The following RBM47 variants were observed in gnomAD, a reference collection of about 807,000 sequenced individuals.
RBM47 encodes RNA binding motif protein 47, also known as RNA-binding protein 47.
RBM47 carries 21 observed loss-of-function variants against 47.1 expected under a neutral mutation model. The ratio of observed to expected loss-of-function variants is 0.45; its 90% CI spans 0.32 to 0.64. The LOEUF is 0.64. RBM47 is among the 30% of genes least tolerant of loss of function. The probability of loss-of-function intolerance (pLI) is 0.05; values close to 1 mark genes in which losing one functional copy is unlikely to be tolerated. For synonymous variants in RBM47, 375 were observed against 361.7 expected, an observed-to-expected ratio of 1.04 and a Z score of -0.42; for missense variants, 708 against 870.9, an observed-to-expected ratio of 0.81 and a Z score of 2.35.
At position 40,438,793 on chromosome 4, in the gene RBM47, G is replaced by A; in HGVS notation, c.101C>T (p.Ala34Val). The A allele has an allele frequency of 6.4e-7, 1 of 1,552,976 alleles. No individual in the cohort carries two copies. The highest frequency in any genetic ancestry group is 8.7e-7 in the Non-Finnish European group (1 of 1,154,214). Residue 34 changes from alanine to valine, a missense_variant, in exon 4 of 7, where the codon GCA becomes GTA. Coordinates refer to ENST00000295971, the MANE Select transcript of RBM47 (RefSeq NM_001098634.2). ...CGTGCGCTCCATCAGCGCCAGCAGTGCTGCCTCGTTGGGCGCGCCCGCCAC... is the reference window on the plus strand; with the variant it reads ...CGTGCGCTCCATCAGCGCCAGCAGTACTGCCTCGTTGGGCGCGCCCGCCAC... ...EGVAGAPNEA[A>V]LLALMERTGY...
chr4:40,481,558 CTT>C (rs1353198149), intron 2 of RBM47, among the ~76,000 whole-genome samples: 12 of 131,578 alleles, frequency 9.1e-5, no homozygotes, highest in Non-Finnish European at 8.2e-5. Flanking sequence ...CATGATGTGG[CTT>C]TTTTTTTTTT....
intron 2 of RBM47, among the ~76,000 whole-genome samples, chr4:40,487,409 C>T (rs1383888808): frequency 6.6e-6 from 1 of 152,130 alleles, no homozygotes; most frequent in African/African-American, 2.4e-5. Flanking sequence ...GATTTTCCTG[C>T]CTCCTGAGTA....
intron 1 of RBM47, among the ~76,000 whole-genome samples, chr4:40,605,293 G>C (rs992156212): frequency 6.6e-6 from 1 of 151,872 alleles, no homozygotes; most frequent in Non-Finnish European, 1.5e-5. Flanking sequence ...CCAAAGTGCT[G>C]GGATTACAGG....
intron 1 of RBM47, among the ~76,000 whole-genome samples, chr4:40,577,947 G>C (rs955201669): frequency 6.6e-6 from 1 of 152,166 alleles, no homozygotes; most frequent in South Asian, 2.1e-4. Flanking sequence ...GGAGGTCAAG[G>C]CCAGCCTAGA....
intron 2 of RBM47, among the ~76,000 whole-genome samples, chr4:40,533,334 T>C (rs1294261196): frequency 6.6e-6 from 1 of 151,108 alleles, no homozygotes; most frequent in Non-Finnish European, 1.5e-5. Flanking sequence ...CTTGGGAGGC[T>C]GAGGCAGGAG....
At chr4:40,539,739 C>CAAAAAAAAAAAAAAA (rs56005602) in intron 2 of RBM47, among the ~76,000 whole-genome samples, 2 of 56,328 alleles carry the variant, frequency 3.6e-5, no homozygotes, top group African/African-American at 1.4e-4. Flanking sequence ...GACTCTGTCT[C>CAAAAAAAAAAAAAAA]AAAAAAAAAA....
chr4:40,456,571 C>CTTTTTTTTTTTTTT (rs34320480), intron 3 of RBM47, among the ~76,000 whole-genome samples: 26 of 112,552 alleles, frequency 2.3e-4, no homozygotes, highest in South Asian at 2.7e-4. Flanking sequence ...TTTCTTTTTT[C>CTTTTTTTTTTTTTT]TTTTTTTTTT....
At chr4:40,609,011 T>C (rs1378432518) in intron 1 of RBM47, among the ~76,000 whole-genome samples, 2 of 152,116 alleles carry the variant, frequency 1.3e-5, no homozygotes, top group East Asian at 1.9e-4. Flanking sequence ...ATTTATTTAT[T>C]TGATAGAGTT....
rs116532644 is a variant in RBM47 at position 40,512,796 on chromosome 4, A to G, written c.-155+31626T>C. ...AAAGTGTGCTTTTAATGCATGAATTATTTCACTGGTCAGGGTTTCTATTTT... is the reference window on the plus strand; with the variant it reads ...AAAGTGTGCTTTTAATGCATGAATTGTTTCACTGGTCAGGGTTTCTATTTT... On this transcript the variant is annotated intron_variant, in intron 2 of 6. Coordinates refer to ENST00000295971, the MANE Select transcript of RBM47 (RefSeq NM_001098634.2). Among the ~76,000 whole-genome samples the G allele has an allele frequency of 6.0e-3, 904 of 151,904 alleles. 6 individuals are homozygous for G. Among genetic ancestry groups the G allele is most frequent in the African/African-American group, 0.021 (872 of 41,452 alleles).
At chr4:40,489,493 C>T (rs1487520797) in intron 2 of RBM47, among the ~76,000 whole-genome samples, 1 of 152,092 alleles carries the variant, frequency 6.6e-6, no homozygotes, top group East Asian at 1.9e-4. Context: ...GAAGTGACAA[C>T]ACTACTGACC....
rs529337812 is a variant in RBM47 at position 40,605,024 on chromosome 4, T to G, written c.-240+24372A>C. On this transcript the variant is annotated intron_variant, in intron 1 of 6. Coordinates refer to ENST00000295971, the MANE Select transcript of RBM47 (RefSeq NM_001098634.2). Reference sequence around the variant, plus strand: ...GCCACCGCACCTGGTCTTTTGTTGTTGTTGTTGTCGTGGTTGTTAAGGAGT... The same window carrying G: ...GCCACCGCACCTGGTCTTTTGTTGTGGTTGTTGTCGTGGTTGTTAAGGAGT... Among the ~76,000 whole-genome samples, 6 of 151,718 alleles carry G rather than the reference T, an allele frequency of 4.0e-5. No homozygotes were observed. In the East Asian group the frequency reaches 1.2e-3, roughly 29 times the overall value.
At chr4:40,567,684 A>G (rs1731229245) in intron 1 of RBM47, among the ~76,000 whole-genome samples, 1 of 152,018 alleles carries the variant, frequency 6.6e-6, no homozygotes, top group Non-Finnish European at 1.5e-5. Flanking sequence ...AGTGTCCACA[A>G]AAACCAAAGA....
intron 2 of RBM47, among the ~76,000 whole-genome samples, chr4:40,503,190 CTG>C (rs143385881): frequency 0.12 from 18,299 of 152,068 alleles, 1,144 homozygotes; most frequent in East Asian, 0.19. Context: ...GAAAGAAAAA[CTG>C]TCACAGGAGT....
intron 6 of RBM47, 23 bp from the exon 7 acceptor site, chr4:40,426,166 A>C (rs766243953): frequency 1.2e-6 from 2 of 1,610,314 alleles, no homozygotes; most frequent in Non-Finnish European, 1.7e-6. Flanking sequence ...GACAAAAAGG[A>C]GCCTTCCTGA....
chr4:40,570,623 G>A (rs890033630), intron 1 of RBM47, among the ~76,000 whole-genome samples: 6 of 151,978 alleles, frequency 3.9e-5, no homozygotes, highest in Admixed American at 6.6e-5. Flanking sequence ...TCCTGAAGCA[G>A]AAGGAAAATG....
At chr4:40,519,028 C>T (rs1426030842) in intron 2 of RBM47, among the ~76,000 whole-genome samples, 3 of 145,672 alleles carry the variant, frequency 2.1e-5, no homozygotes, top group Non-Finnish European at 4.6e-5. Context: ...ACCCTTGTTT[C>T]TATAAAAAAA....
intron 2 of RBM47, among the ~76,000 whole-genome samples, chr4:40,481,111 A>G (rs939109049): frequency 6.6e-6 from 1 of 152,108 alleles, no homozygotes; most frequent in African/African-American, 2.4e-5. Flanking sequence ...ATATTTTAAT[A>G]ATTTCCTCAA....
chr4:40,616,852 G>GT (rs1397987685), intron 1 of RBM47, among the ~76,000 whole-genome samples: 5 of 144,526 alleles, frequency 3.5e-5, no homozygotes, highest in Non-Finnish European at 7.6e-5. Flanking sequence ...GAAATCCACT[G>GT]TTTCATCTTA....
intron 1 of RBM47, among the ~76,000 whole-genome samples, chr4:40,581,480 T>C (rs182036583): frequency 1.5e-4 from 16 of 108,706 alleles, no homozygotes; most frequent in Admixed American, 3.7e-4. Context: ...GGAGAGGTCA[T>C]TGGAGAGTGT....
Sources: gnomAD v4.1 joint callset for allele counts (sites outside exome capture counted in the v4.1 genomes callset) on GRCh38, gnomAD v4.1.1 for gene constraint, MANE v1.5 for transcripts, NCBI Gene and HGNC (gene_info 2026-07-23, HGNC 2026-07-21) for gene names.